The following GRIK2 variants were observed in gnomAD, a reference collection of about 807,000 sequenced individuals.
GRIK2 encodes glutamate ionotropic receptor kainate type subunit 2.
GRIK2 carries 32 observed loss-of-function variants against 100.3 expected under a neutral mutation model. That is an observed-to-expected ratio of 0.32 (90% CI 0.24 to 0.43). The LOEUF is 0.43. Ranked by LOEUF, GRIK2 falls within the 20% of genes least tolerant of loss-of-function variation. The pLI is 1.00. For synonymous variants in GRIK2, 417 were observed against 389.4 expected (o/e 1.07, Z -0.83); for missense variants, 843 against 1,114.9 (o/e 0.76, Z 3.47).
At chr6:101,816,361 C>T (rs945166255) in intron 9 of GRIK2, among the ~76,000 whole-genome samples, 4 of 151,914 alleles carry the variant, frequency 2.6e-5, no homozygotes, top group African/African-American at 9.7e-5. Context: ...CTTGTTTAGC[C>T]AAGAGTATTT....
chr6:101,724,210 G>A (rs1312492564), intron 7 of GRIK2, among the ~76,000 whole-genome samples: 1 of 151,510 alleles, frequency 6.6e-6, no homozygotes, highest in Non-Finnish European at 1.5e-5. Flanking sequence ...TTTTATTTTA[G>A]ATTCAGGGGG....
chr6:101,626,258 T>G, intron 3 of GRIK2, 122 bp from the exon 4 acceptor site: 1 of 926,336 alleles, frequency 1.1e-6, no homozygotes, highest in Non-Finnish European at 1.6e-6. Flanking sequence ...TAGATATATA[T>G]TTTTTAAAAA....
At chr6:101,530,231 A>G (rs1775368903) in intron 2 of GRIK2, among the ~76,000 whole-genome samples, 1 of 152,118 alleles carries the variant, frequency 6.6e-6, no homozygotes, top group African/African-American at 2.4e-5. Context: ...TTATTTGTAT[A>G]TAATTGTTTG....
chr6:101,424,183 T>A (rs1003049321), intron 2 of GRIK2, among the ~76,000 whole-genome samples: 1 of 152,110 alleles, frequency 6.6e-6, no homozygotes, highest in Admixed American at 6.5e-5. Context: ...TTTTTTTTTA[T>A]TATACTTTAA....
intron 14 of GRIK2, among the ~76,000 whole-genome samples, chr6:102,024,708 A>C (rs976415083): frequency 6.6e-6 from 1 of 151,330 alleles, no homozygotes; most frequent in Non-Finnish European, 1.5e-5. Flanking sequence ...CTGTACTCAA[A>C]ATTAAATAGA....
In GRIK2 at chr6:101,905,905, G is replaced by T. The variant is rs1230047877; in HGVS notation, c.1748+16042G>T. Among the ~76,000 whole-genome samples the T allele has an allele frequency of 9.9e-5, 15 of 151,492 alleles. No homozygotes were observed. In the East Asian group the frequency reaches 2.9e-3, roughly 29 times the overall value. ...TTGATTAAATGGAATAGTACTACATGGGGAAATGATGACTTTATGAATAAA... is the reference window on the plus strand; with the variant it reads ...TTGATTAAATGGAATAGTACTACATTGGGAAATGATGACTTTATGAATAAA... On this transcript the variant is annotated intron_variant, in intron 12 of 16. Transcript: ENST00000369134.
At chr6:101,714,242 A>T (rs1018950237) in intron 7 of GRIK2, among the ~76,000 whole-genome samples, 2 of 151,684 alleles carry the variant, frequency 1.3e-5, no homozygotes, top group South Asian at 2.1e-4. Flanking sequence ...ATTAAAATGT[A>T]AATCATATGT....
intron 4 of GRIK2, among the ~76,000 whole-genome samples, chr6:101,628,780 T>C (rs1780575121): frequency 6.6e-6 from 1 of 152,166 alleles, no homozygotes; most frequent in African/African-American, 2.4e-5. Context: ...TATATACATA[T>C]GTGCATGCAC....
intron 7 of GRIK2, among the ~76,000 whole-genome samples, chr6:101,703,150 A>G (rs758055171): frequency 5.9e-5 from 9 of 151,778 alleles, no homozygotes; most frequent in Non-Finnish European, 1.2e-4. Context: ...CGAGTTTGAA[A>G]CTCAGGTGAA....
At chr6:102,006,033 A>AACTT (rs1289665685) in intron 14 of GRIK2, among the ~76,000 whole-genome samples, 3 of 151,982 alleles carry the variant, frequency 2.0e-5, no homozygotes, top group African/African-American at 7.2e-5. Context: ...GCCTTATTTT[A>AACTT]ACTTAATTAC....
At position 101,955,883 on chromosome 6, in the gene GRIK2, G is replaced by A. The variant is rs192819742; in HGVS notation, c.2085+27251G>A. ...TTTGATTCTCTCTCTTTTTCAAGTT[G>A]TTGCTTCATTAGTTTTCATTCTAGT... On this transcript the variant is annotated intron_variant, in intron 14 of 16. Transcript: ENST00000369134. Among the ~76,000 whole-genome samples, 6 of 151,860 alleles carry A rather than the reference G, an allele frequency of 4.0e-5. No individual in the cohort carries two copies. In the East Asian group the frequency reaches 1.2e-3, roughly 29 times the overall value.
At chr6:101,707,532 G>GTGTGTATAT (rs1479387766) in intron 7 of GRIK2, among the ~76,000 whole-genome samples, 1 of 139,582 alleles carries the variant, frequency 7.2e-6, no homozygotes, top group Non-Finnish European at 1.5e-5. Flanking sequence ...AAATATATAT[G>GTGTGTATAT]TGTGTATATA....
chr6:101,944,543 T>G (rs534878039), intron 14 of GRIK2, among the ~76,000 whole-genome samples: 1 of 152,310 alleles, frequency 6.6e-6, no homozygotes, highest in South Asian at 2.1e-4. Flanking sequence ...AAAGATTTAC[T>G]GTATTGTCTA....
chr6:101,743,697 C>T (rs1007818755), intron 7 of GRIK2, among the ~76,000 whole-genome samples: 1 of 151,780 alleles, frequency 6.6e-6, no homozygotes, highest in East Asian at 1.9e-4. Context: ...TAACAAGTGC[C>T]CTATGTAGTA....
At chr6:101,421,172 C>T (rs1232713336) in intron 2 of GRIK2, among the ~76,000 whole-genome samples, 1 of 152,202 alleles carries the variant, frequency 6.6e-6, no homozygotes, top group African/African-American at 2.4e-5. Context: ...CTTGGTCTGC[C>T]TCCACTAGCT....
intron 16 of GRIK2, among the ~76,000 whole-genome samples, chr6:102,062,068 T>C (rs1252970022): frequency 1.3e-5 from 2 of 150,200 alleles, no homozygotes; most frequent in Non-Finnish European, 3.0e-5. Context: ...TTTAAAAGTG[T>C]ATAATGATCC....
At chr6:102,051,554 T>C (rs570270654) in intron 15 of GRIK2, among the ~76,000 whole-genome samples, 2 of 152,166 alleles carry the variant, frequency 1.3e-5, no homozygotes, top group South Asian at 4.1e-4. Context: ...TTTAAAATAA[T>C]TTATTTGTCA....
chr6:101,510,227 G>T (rs966690482), intron 2 of GRIK2, among the ~76,000 whole-genome samples: 55 of 152,266 alleles, frequency 3.6e-4, no homozygotes, highest in African/African-American at 1.2e-3. Flanking sequence ...TGGTAGGAGA[G>T]TGAGGGCTTC....
At chr6:101,646,118 C>A (rs1781515084) in intron 4 of GRIK2, among the ~76,000 whole-genome samples, 3 of 151,012 alleles carry the variant, frequency 2.0e-5, no homozygotes, top group Admixed American at 2.0e-4. Context: ...AGCTGTTCCA[C>A]AAGGGCAGAG....
Sources: allele counts gnomAD v4.1 joint callset (sites outside exome capture counted in the v4.1 genomes callset), GRCh38; gene constraint gnomAD v4.1.1; transcripts MANE v1.5; gene names NCBI Gene and HGNC (gene_info 2026-07-23, HGNC 2026-07-21).